The following NXN variants were observed in gnomAD, a reference collection of about 807,000 sequenced individuals.
The protein encoded by NXN is nucleoredoxin 1.
In NXN, 16 loss-of-function variants were observed where a neutral mutation model predicts 48.6. The ratio of observed to expected loss-of-function variants is 0.33; its 90% CI spans 0.22 to 0.50. The LOEUF (loss-of-function observed/expected upper bound fraction) is 0.50. Among genes scored for constraint, NXN ranks in the 20% least tolerant of loss-of-function variants. The probability of loss-of-function intolerance (pLI) is 0.98; values close to 1 mark genes in which losing one functional copy is unlikely to be tolerated. For missense variants in NXN, 492 were observed against 605.5 expected (o/e 0.81, Z 1.97); for synonymous variants, 281 against 269.6 (o/e 1.04, Z -0.41).
intron 1 of NXN, among the ~76,000 whole-genome samples, chr17:913,877 G>T (rs534236204): frequency 6.6e-6 from 1 of 152,074 alleles, no homozygotes; most frequent in African/African-American, 2.4e-5. Context: ...CCAAACTCGC[G>T]GAAGATTTTT....
chr17:895,670 T>C (rs1194110219), intron 1 of NXN, among the ~76,000 whole-genome samples: 1 of 143,662 alleles, frequency 7.0e-6, no homozygotes, highest in East Asian at 2.1e-4. Flanking sequence ...AAAAAAAAAT[T>C]AGCCAGGCGT....
intron 1 of NXN, among the ~76,000 whole-genome samples, chr17:848,514 T>A (rs1160503416): frequency 6.6e-6 from 1 of 152,234 alleles, no homozygotes; most frequent in East Asian, 1.9e-4. Flanking sequence ...ATTTGCCAGG[T>A]TCGTGCCTGG....
chr17:872,324 G>GAA (rs1567842693), intron 1 of NXN, among the ~76,000 whole-genome samples: 1 of 144,496 alleles, frequency 6.9e-6, no homozygotes, highest in African/African-American at 2.6e-5. Flanking sequence ...GAGAGAGAGA[G>GAA]AAACATCAAA....
chr17:823,551 C>T (rs1434477382), intron 3 of NXN, 81 bp downstream of exon 3: 1 of 1,552,258 alleles, frequency 6.4e-7, no homozygotes, highest in East Asian at 2.3e-5. Flanking sequence ...GTGTCTCACC[C>T]CCAGAAGCCA....
intron 1 of NXN, among the ~76,000 whole-genome samples, chr17:893,372 G>A (rs955782897): frequency 3.3e-5 from 5 of 152,204 alleles, no homozygotes; most frequent in African/African-American, 7.2e-5. Context: ...CTAATCCTCC[G>A]GTCCCAGCTT....
At chr17:927,917 C>T (rs2068817696) in intron 1 of NXN, among the ~76,000 whole-genome samples, 1 of 152,012 alleles carries the variant, frequency 6.6e-6, no homozygotes, top group Non-Finnish European at 1.5e-5. Context: ...CTCACCAACC[C>T]CAGCTGCTTG....
chr17:910,885 A>C (rs1417102068), intron 1 of NXN: 1 of 152,234 alleles, frequency 6.6e-6, no homozygotes, highest in East Asian at 1.9e-4. Flanking sequence ...AGGCGGCAGA[A>C]AGAAGGAATT....
chr17:815,394 G>A (rs1262886649), intron 5 of NXN, among the ~76,000 whole-genome samples: 1 of 151,662 alleles, frequency 6.6e-6, no homozygotes, highest in East Asian at 1.9e-4. Flanking sequence ...CAGTTCAGCT[G>A]ACACCCATCC....
chr17:914,326 C>G (rs535649576), intron 1 of NXN, among the ~76,000 whole-genome samples: 1 of 142,274 alleles, frequency 7.0e-6, no homozygotes, highest in African/African-American at 2.6e-5. Context: ...CCCGCCACCA[C>G]GCCCAGCTAA....
chr17:964,799 C>CTAAAATATTA, intron 1 of NXN, among the ~76,000 whole-genome samples: 1 of 152,344 alleles, frequency 6.6e-6, no homozygotes, highest in East Asian at 1.9e-4. Flanking sequence ...AAACATCTAT[C>CTAAAATATTA]AGCACAAGGA....
intron 1 of NXN, among the ~76,000 whole-genome samples, chr17:883,413 T>A (rs1198689471): frequency 6.6e-6 from 1 of 152,042 alleles, no homozygotes; most frequent in African/African-American, 2.4e-5. Context: ...GTAGTCTTTG[T>A]TCTTGGAGTT....
At chr17:832,359 T>C (rs1453595722) in intron 1 of NXN, among the ~76,000 whole-genome samples, 3 of 151,352 alleles carry the variant, frequency 2.0e-5, no homozygotes, top group African/African-American at 7.3e-5. Flanking sequence ...TTGTATTTTT[T>C]TTTTTTTTAG....
At chr17:829,791 G>A (rs895955450) in intron 1 of NXN, among the ~76,000 whole-genome samples, 3 of 152,138 alleles carry the variant, frequency 2.0e-5, no homozygotes, top group African/African-American at 7.2e-5. Flanking sequence ...TCCCTGCAAA[G>A]GACATGAACT....
chr17:957,500 T>TG (rs1343067133), intron 1 of NXN, among the ~76,000 whole-genome samples: 3 of 151,538 alleles, frequency 2.0e-5, no homozygotes, highest in African/African-American at 7.3e-5. Flanking sequence ...AGCGTGGTGG[T>TG]GCACGCCTGT....
intron 1 of NXN, among the ~76,000 whole-genome samples, chr17:876,398 A>T (rs1396483817): frequency 6.6e-6 from 1 of 152,168 alleles, no homozygotes; most frequent in African/African-American, 2.4e-5. Context: ...ACGGTGCTCA[A>T]GGAAGTCAAC....
chr17:900,196 G>A lies in NXN; in HGVS notation c.361-74118C>T, dbSNP rs2068524318. Reference sequence around the variant, plus strand: ...AGGAGAATCGCTTGAACCCGGGGGGGCAGAGGTTGTGGTGAGCCAAGATTG... The same window carrying A: ...AGGAGAATCGCTTGAACCCGGGGGGACAGAGGTTGTGGTGAGCCAAGATTG... On this transcript the variant is annotated intron_variant, in intron 1 of 7. Transcript: ENST00000336868. Among the ~76,000 whole-genome samples the A allele has an allele frequency of 1.3e-5, 2 of 152,096 alleles. 1 individual carries two copies. The highest frequency in any genetic ancestry group is 1.3e-4 in the Admixed American group (2 of 15,268).
chr17:935,335 CCTTCGTAT>C (rs2068897146), intron 1 of NXN, among the ~76,000 whole-genome samples: 1 of 152,132 alleles, frequency 6.6e-6, no homozygotes, highest in Non-Finnish European at 1.5e-5. Flanking sequence ...TGCTCCAATT[CCTTCGTAT>C]CTGGGAATCC....
chr17:885,540 C>G (rs1172019894), intron 1 of NXN, among the ~76,000 whole-genome samples: 1 of 151,592 alleles, frequency 6.6e-6, no homozygotes, highest in Non-Finnish European at 1.5e-5. Flanking sequence ...TCTCCTATGT[C>G]TAGTCTTTCA....
intron 1 of NXN, chr17:880,194 C>A (rs188709991): frequency 7.2e-5 from 11 of 152,288 alleles, no homozygotes; most frequent in Admixed American, 7.2e-4. Context: ...TCCCCGGAGA[C>A]AACACCCACC....
Sources: gnomAD v4.1 joint callset for allele counts (sites outside exome capture counted in the v4.1 genomes callset) on GRCh38, gnomAD v4.1.1 for gene constraint, MANE v1.5 for transcripts, NCBI Gene and HGNC (gene_info 2026-07-23, HGNC 2026-07-21) for gene names.